PRR16: variants seen among roughly 807,000 people sequenced by gnomAD.
The protein encoded by PRR16 is proline rich 16, also known as protein Largen.
A neutral mutation model predicts 18.2 loss-of-function variants in PRR16; 6 were observed. That is an observed-to-expected ratio of 0.33 (90% CI 0.18 to 0.65). The LOEUF is 0.65. Ranked by LOEUF, PRR16 falls within the 30% of genes least tolerant of loss-of-function variation. PRR16 has a pLI of 0.74. For synonymous variants in PRR16, 151 were observed against 147.8 expected (o/e 1.02, Z -0.16); for missense variants, 412 against 376.6 (o/e 1.09, Z -0.78).
At chr5:120,496,869 A>G (rs1339552611) in intron 1 of PRR16, among the ~76,000 whole-genome samples, 2 of 152,014 alleles carry the variant, frequency 1.3e-5, no homozygotes, top group Non-Finnish European at 2.9e-5. Context: ...GCACTGCTTT[A>G]GCTGTTCTCC....
At chr5:120,733,955 CCCTT>C in the PRR16 span, among the ~76,000 whole-genome samples, 1 of 152,122 alleles carries the variant, frequency 6.6e-6, no homozygotes, top group Non-Finnish European at 1.5e-5. Context: ...TCTGTGTTAT[CCCTT>C]ACTTACGGTG....
At chr5:120,734,623 C>T in the PRR16 span, among the ~76,000 whole-genome samples, 1 of 152,050 alleles carries the variant, frequency 6.6e-6, no homozygotes, top group Admixed American at 6.6e-5. Context: ...AAACAAAATG[C>T]TTTTTACATT....
intron 1 of PRR16, among the ~76,000 whole-genome samples, chr5:120,628,722 CT>C (rs1306701016): frequency 6.6e-6 from 1 of 151,392 alleles, no homozygotes; most frequent in Non-Finnish European, 1.5e-5. Flanking sequence ...ATCTATCTAT[CT>C]ATCTATCTAT....
intron 1 of PRR16, among the ~76,000 whole-genome samples, chr5:120,560,143 AT>A (rs1313151761): frequency 6.6e-6 from 1 of 151,532 alleles, no homozygotes; most frequent in Non-Finnish European, 1.5e-5. Flanking sequence ...CTCTTGTCCG[AT>A]TTTTTTAGCT....
At chr5:120,636,311 C>T (rs1267635487) in intron 1 of PRR16, among the ~76,000 whole-genome samples, 1 of 152,040 alleles carries the variant, frequency 6.6e-6, no homozygotes, top group Non-Finnish European at 1.5e-5. Flanking sequence ...AAAGAGCCCA[C>T]ATAGCCAAAG....
the PRR16 span, among the ~76,000 whole-genome samples, chr5:120,772,009 C>T: frequency 1.3e-5 from 2 of 151,836 alleles, no homozygotes; most frequent in Non-Finnish European, 2.9e-5. Context: ...ATATTATATC[C>T]TTTCTTTAAG....
chr5:120,705,317 G>T, the PRR16 span, among the ~76,000 whole-genome samples: 1 of 151,986 alleles, frequency 6.6e-6, no homozygotes, highest in Non-Finnish European at 1.5e-5. Context: ...TCCCAACATT[G>T]CCAGAAATGT....
chr5:120,665,694 G>A (rs1329178227), intron 1 of PRR16, among the ~76,000 whole-genome samples: 1 of 152,054 alleles, frequency 6.6e-6, no homozygotes, highest in Non-Finnish European at 1.5e-5. Flanking sequence ...AGTTTTCCCA[G>A]CACCATTTAT....
In PRR16 at chr5:120,687,090, C is replaced by A. The variant is rs1757150948; in HGVS notation, c.*381C>A. On this transcript the variant is annotated 3_prime_UTR_variant, in exon 2 of 2. Coordinates refer to ENST00000407149, the MANE Select transcript of PRR16 (RefSeq NM_001300783.2). Reference sequence around the variant, plus strand: ...TCATATTCTTAACTTTGATCTAATGCTTTTTACTAGGAAATTTTAATACTG... The same window carrying A: ...TCATATTCTTAACTTTGATCTAATGATTTTTACTAGGAAATTTTAATACTG... 1 of 156,840 alleles carries A rather than the reference C, an allele frequency of 6.4e-6. No homozygotes were observed. The highest frequency in any genetic ancestry group is 2.1e-4 in the South Asian group (1 of 4,876). The allele number at this position is 156,840 out of a possible 1,614,324, so 9.7% of individuals were successfully genotyped here. A position where few individuals can be genotyped will look rare whatever the true frequency, so the allele number is the denominator to read the frequency against.
the PRR16 span, among the ~76,000 whole-genome samples, chr5:120,708,599 G>A: frequency 6.6e-6 from 1 of 152,124 alleles, no homozygotes; most frequent in Non-Finnish European, 1.5e-5. Flanking sequence ...AAAGTGTAAA[G>A]GAGACACTTG....
intron 1 of PRR16, among the ~76,000 whole-genome samples, chr5:120,655,631 T>C (rs1248926767): frequency 1.3e-5 from 2 of 151,860 alleles, no homozygotes; most frequent in African/African-American, 2.4e-5. Flanking sequence ...GTCTGTGGGA[T>C]TGTACATTAA....
intron 1 of PRR16, among the ~76,000 whole-genome samples, chr5:120,494,283 T>A (rs1427802137): frequency 6.6e-6 from 1 of 152,120 alleles, no homozygotes; most frequent in African/African-American, 2.4e-5. Flanking sequence ...GGCAATAATG[T>A]TTTAGCATCT....
chr5:120,726,387 A>G, the PRR16 span, among the ~76,000 whole-genome samples: 1 of 152,008 alleles, frequency 6.6e-6, no homozygotes. Flanking sequence ...CAGGGAGGGA[A>G]TATGGAGACA....
chr5:120,741,067 C>T, the PRR16 span, among the ~76,000 whole-genome samples: 1 of 151,690 alleles, frequency 6.6e-6, no homozygotes, highest in Admixed American at 6.6e-5. Context: ...ATTTCTTTAG[C>T]TATATTCTTC....
chr5:120,699,931 G>C, the PRR16 span, among the ~76,000 whole-genome samples: 7 of 152,224 alleles, frequency 4.6e-5, no homozygotes. Context: ...CTTGATTGAA[G>C]TAATGGGGGC....
chr5:120,658,533 T>C (rs1756064194), intron 1 of PRR16, among the ~76,000 whole-genome samples: 1 of 151,954 alleles, frequency 6.6e-6, no homozygotes, highest in African/African-American at 2.4e-5. Context: ...AGGCTCTCTG[T>C]ATTCAAGTCT....
intron 1 of PRR16, among the ~76,000 whole-genome samples, chr5:120,510,138 G>A (rs1750783905): frequency 6.6e-6 from 1 of 152,142 alleles, no homozygotes; most frequent in African/African-American, 2.4e-5. Context: ...TCACTTAAAT[G>A]TGCCCTGTCT....
rs1561514089 is a variant in PRR16, at chr5:120,491,468, CCTTTCCTTTCCT to C, written c.159+26824_159+26835del. Among the ~76,000 whole-genome samples the C allele has an allele frequency of 5.2e-4, 48 of 93,066 alleles. 1 individual carries two copies. The highest frequency in any genetic ancestry group is 2.2e-3 in the African/African-American group (44 of 20,302). The allele number at this position is 93,066 out of a possible 152,430, so 61.1% of individuals were successfully genotyped here. A position where few individuals can be genotyped will look rare whatever the true frequency, so the allele number is the denominator to read the frequency against. On this transcript the variant is annotated intron_variant, in intron 1 of 1. Transcript: ENST00000407149. ...CCTTTCCTTTCCTTTCCTTTCCTTT[CCTTTCCTTTCCT>C]TTCTTCCTTCCTTCCTTCCTTCTTT...
At chr5:120,628,961 G>A (rs1011631360) in intron 1 of PRR16, among the ~76,000 whole-genome samples, 2 of 151,918 alleles carry the variant, frequency 1.3e-5, no homozygotes, top group Non-Finnish European at 2.9e-5. Flanking sequence ...GGGGTTTGGG[G>A]TATAGATTAT....
Sources: allele counts gnomAD v4.1 joint callset (sites outside exome capture counted in the v4.1 genomes callset), GRCh38; gene constraint gnomAD v4.1.1; transcripts MANE v1.5; gene names NCBI Gene and HGNC (gene_info 2026-07-23, HGNC 2026-07-21).